DOCK9: variants seen among roughly 807,000 people sequenced by gnomAD.
DOCK9 encodes dedicator of cytokinesis 9.
A neutral mutation model predicts 263.3 loss-of-function variants in DOCK9; 89 were observed. The observed-to-expected ratio is 0.34, with a 90% CI of 0.28 to 0.40. DOCK9 has a LOEUF of 0.40. Ranked by LOEUF, DOCK9 falls within the 10% of genes least tolerant of loss-of-function variation. The pLI is 1.00. For synonymous variants in DOCK9, 976 were observed against 973.1 expected, an observed-to-expected ratio of 1.00 and a Z score of -0.06; for missense variants, 2,140 against 2,603.4, an observed-to-expected ratio of 0.82 and a Z score of 3.87.
intron 1 of DOCK9, among the ~76,000 whole-genome samples, chr13:99,013,722 G>A (rs943526891): frequency 2.0e-5 from 3 of 152,154 alleles, no homozygotes; most frequent in Non-Finnish European, 4.4e-5. Flanking sequence ...ATGAGCAGCA[G>A]AGAAACAGAC....
chr13:98,800,085 TC>T (rs2089928787), intron 50 of DOCK9, among the ~76,000 whole-genome samples: 2 of 152,140 alleles, frequency 1.3e-5, no homozygotes. Context: ...CCACAGTCAG[TC>T]CTCATGGGGC....
chr13:98,809,230 T>C (rs1770770173), intron 47 of DOCK9, 122 bp downstream of exon 47: 1 of 1,215,550 alleles, frequency 8.2e-7, no homozygotes, highest in Non-Finnish European at 1.2e-6. Flanking sequence ...ATTCATCAAA[T>C]TAGCAATTAC....
rs1424836174 is a variant in DOCK9, at chr13:99,032,600, TATAAATTTATTAATTTATATGAC to T, written c.129+53600_129+53622del. ...CTTCCTCAACTGAAAGGGGAAGTAC[TATAAATTTATTAATTTATATGAC>T]ATAAATTTATTAATTTACATGACAT... On this transcript the variant is annotated intron_variant, in intron 1 of 32. Transcript: ENST00000427887. Among the ~76,000 whole-genome samples, 50 of 151,886 alleles carry T rather than the reference TATAAATTTATTAATTTATATGAC, an allele frequency of 3.3e-4. 1 individual carries two copies. The highest frequency in any genetic ancestry group is 1.1e-3 in the African/African-American group (46 of 41,538).
In DOCK9 at chr13:99,085,346, A is replaced by G. The variant is rs891408075; in HGVS notation, c.129+877T>C. On this transcript the variant is annotated intron_variant, in intron 1 of 32. Coordinates refer to the DOCK9 transcript ENST00000427887. Reference sequence around the variant, plus strand: ...CCGGCGGCAACGCAAGGAGCTGCTAAAAGTTTCCAGCTGCCCTGCAGAGCT... The same window carrying G: ...CCGGCGGCAACGCAAGGAGCTGCTAGAAGTTTCCAGCTGCCCTGCAGAGCT... Among the ~76,000 whole-genome samples the G allele has an allele frequency of 9.2e-5, 14 of 152,260 alleles. No homozygotes were observed. In the East Asian group the frequency reaches 2.7e-3, roughly 29 times the overall value.
chr13:99,040,395 T>C (rs1408716), intron 1 of DOCK9, among the ~76,000 whole-genome samples: 75,269 of 151,842 alleles, frequency 0.5, 18,910 homozygotes, highest in East Asian at 0.65. Flanking sequence ...ATCAATACTG[T>C]TAAGACCCAA....
At chr13:98,998,888 A>T (rs1286924822) in intron 1 of DOCK9, among the ~76,000 whole-genome samples, 1 of 152,040 alleles carries the variant, frequency 6.6e-6, no homozygotes, top group African/African-American at 2.4e-5. Flanking sequence ...CTACTGTCAA[A>T]ATTAGTTTGC....
intron 1 of DOCK9, among the ~76,000 whole-genome samples, chr13:99,057,276 G>A (rs995855397): frequency 6.6e-6 from 1 of 152,102 alleles, no homozygotes; most frequent in African/African-American, 2.4e-5. Flanking sequence ...CTAATTCCTA[G>A]CATACAGACA....
At chr13:99,072,984 C>G (rs889963055) in intron 1 of DOCK9, among the ~76,000 whole-genome samples, 2 of 151,918 alleles carry the variant, frequency 1.3e-5, no homozygotes, top group African/African-American at 4.8e-5. Flanking sequence ...GGGTGACAGA[C>G]CCTGTCTCAA....
At chr13:99,019,384 C>T (rs1440319184) in intron 1 of DOCK9, among the ~76,000 whole-genome samples, 3 of 152,164 alleles carry the variant, frequency 2.0e-5, no homozygotes, top group African/African-American at 4.8e-5. Flanking sequence ...ACATTTATGG[C>T]GTGTGAATGT....
chr13:98,798,932 G>A (rs1335094575), intron 50 of DOCK9, among the ~76,000 whole-genome samples: 1 of 152,168 alleles, frequency 6.6e-6, no homozygotes, highest in Non-Finnish European at 1.5e-5. Context: ...CCCTACCCTG[G>A]ACTGGTGCCA....
chr13:98,944,382 G>GAA (rs59677048), intron 2 of DOCK9, among the ~76,000 whole-genome samples: 15,450 of 73,034 alleles, frequency 0.21, 2,062 homozygotes, highest in Non-Finnish European at 0.22. Flanking sequence ...CACTATATGA[G>GAA]AAAAAAAAAA....
rs145596476 is a variant in DOCK9 at position 98,860,174 on chromosome 13, C to A, written c.3697+231G>T. On this transcript the variant is annotated intron_variant, in intron 33 of 52. Coordinates refer to ENST00000682017, the MANE Select transcript of DOCK9 (RefSeq NM_001366683.2). The stretch of plus-strand genomic sequence containing the variant: ...TTGAACAAAAAGCAAACAGCGTGAG[C>A]CAGTGATTAACTGTATGATCCTGAG... 14 of 1,357,832 alleles carry A rather than the reference C, an allele frequency of 1.0e-5. No homozygotes were observed. In the African/African-American group the frequency reaches 1.9e-4, roughly 18 times the overall value. 84.1% of individuals were successfully genotyped at this position (1,357,832 alleles called of 1,614,324 possible). A position where few individuals can be genotyped will look rare whatever the true frequency, so the allele number is the denominator to read the frequency against.
intron 1 of DOCK9, among the ~76,000 whole-genome samples, chr13:99,038,320 T>G (rs1243724590): frequency 4.4e-5 from 5 of 114,326 alleles, no homozygotes; most frequent in South Asian, 3.4e-4. Flanking sequence ...TTTTTTTTTT[T>G]GGAGATAGAG....
At chr13:99,073,057 A>G (rs1473411742) in intron 1 of DOCK9, among the ~76,000 whole-genome samples, 1 of 152,168 alleles carries the variant, frequency 6.6e-6, no homozygotes, top group Non-Finnish European at 1.5e-5. Context: ...CCAAGGTTGC[A>G]GAGTGTCTCA....
intron 27 of DOCK9, among the ~76,000 whole-genome samples, chr13:98,870,993 T>G (rs1343280602): frequency 6.6e-6 from 1 of 151,996 alleles, no homozygotes; most frequent in East Asian, 1.9e-4. Context: ...GGTGTGAACT[T>G]TGTTTAGATC....
At chr13:99,057,106 G>A (rs1204508055) in intron 1 of DOCK9, among the ~76,000 whole-genome samples, 1 of 152,188 alleles carries the variant, frequency 6.6e-6, no homozygotes, top group Non-Finnish European at 1.5e-5. Context: ...CGAGATAAGA[G>A]AGGATCTTGA....
intron 1 of DOCK9, among the ~76,000 whole-genome samples, chr13:99,070,765 T>C (rs2041634594): frequency 6.6e-6 from 1 of 152,234 alleles, no homozygotes; most frequent in South Asian, 2.1e-4. Flanking sequence ...TATATCCTAC[T>C]GCCATCCATG....
At chr13:99,024,531 T>C (rs749202948) in intron 1 of DOCK9, among the ~76,000 whole-genome samples, 11 of 152,228 alleles carry the variant, frequency 7.2e-5, no homozygotes, top group Non-Finnish European at 1.6e-4. Context: ...TTCCAACATG[T>C]GAAGAGACTA....
At chr13:98,869,517 T>C (rs777636228) in intron 27 of DOCK9, among the ~76,000 whole-genome samples, 1 of 152,210 alleles carries the variant, frequency 6.6e-6, no homozygotes, top group Non-Finnish European at 1.5e-5. Flanking sequence ...GAGCCTGAAG[T>C]AGGAAGGATG....
Sources: allele counts gnomAD v4.1 joint callset (sites outside exome capture counted in the v4.1 genomes callset), GRCh38; gene constraint gnomAD v4.1.1; transcripts MANE v1.5; gene names NCBI Gene and HGNC (gene_info 2026-07-23, HGNC 2026-07-21).